Variants in SOX5 observed in about 807,000 individuals in gnomAD.
SOX5 encodes the protein transcription factor SOX-5.
Under a neutral mutation model 92.0 loss-of-function variants are expected in SOX5, and 9 were observed. The observed-to-expected ratio is 0.10, with a 90% CI of 0.06 to 0.17. The LOEUF (loss-of-function observed/expected upper bound fraction) is 0.17, where lower values mean the gene tolerates loss of function less well. Among genes scored for constraint, SOX5 ranks in the 10% least tolerant of loss-of-function variants. SOX5 has a pLI of 1.00. For synonymous variants in SOX5, 344 were observed against 336.3 expected (o/e 1.02, Z -0.25); for missense variants, 642 against 944.5 (o/e 0.68, Z 4.20).
chr12:24,054,366 A>G (rs1229888206), intron 4 of SOX5, among the ~76,000 whole-genome samples: 5 of 152,176 alleles, frequency 3.3e-5, no homozygotes, highest in African/African-American at 9.7e-5. Flanking sequence ...TTATCACTAA[A>G]GATCTAGCTA....
At chr12:23,598,837 G>C (rs186528997) in intron 9 of SOX5, among the ~76,000 whole-genome samples, 1 of 152,110 alleles carries the variant, frequency 6.6e-6, no homozygotes, top group Admixed American at 6.5e-5. Context: ...TCCCCACTTG[G>C]CATTATAAAA....
intron 3 of SOX5, among the ~76,000 whole-genome samples, chr12:23,794,255 A>C (rs768060641): frequency 9.8e-5 from 12 of 123,010 alleles, no homozygotes; most frequent in Non-Finnish European, 2.1e-4. Context: ...TATTTACCTA[A>C]TACTTATTTA....
intron 1 of SOX5, among the ~76,000 whole-genome samples, chr12:24,517,334 G>A (rs1404186302): frequency 1.3e-5 from 2 of 152,186 alleles, no homozygotes; most frequent in Non-Finnish European, 2.9e-5. Flanking sequence ...CCTAATACAG[G>A]AGGGGCAACA....
chr12:23,957,832 C>T (rs1386757635), intron 4 of SOX5, among the ~76,000 whole-genome samples: 4 of 151,908 alleles, frequency 2.6e-5, no homozygotes, highest in Non-Finnish European at 5.9e-5. Flanking sequence ...AATTTATACC[C>T]GTATTTTAAA....
intron 1 of SOX5, among the ~76,000 whole-genome samples, chr12:23,922,004 G>A (rs1441135030): frequency 2.0e-5 from 3 of 152,100 alleles, no homozygotes; most frequent in Non-Finnish European, 4.4e-5. Flanking sequence ...TAAGGGCAAA[G>A]AATACAAAAA....
intron 1 of SOX5, among the ~76,000 whole-genome samples, chr12:24,440,348 G>C (rs1270150614): frequency 6.6e-6 from 1 of 151,998 alleles, no homozygotes; most frequent in Non-Finnish European, 1.5e-5. Flanking sequence ...TCAGTGTGTG[G>C]GGTGGGAGCG....
chr12:23,767,952 C>T (rs1393353373), intron 3 of SOX5, among the ~76,000 whole-genome samples: 4 of 152,048 alleles, frequency 2.6e-5, no homozygotes, highest in African/African-American at 7.2e-5. Context: ...ATAATTTGAA[C>T]TCAACCCCTC....
chr12:23,590,171 A>G (rs1424362531), intron 9 of SOX5, among the ~76,000 whole-genome samples: 1 of 152,002 alleles, frequency 6.6e-6, no homozygotes, highest in Non-Finnish European at 1.5e-5. Context: ...AGGCAAAAAT[A>G]ATTGAAATAG....
At chr12:24,315,191 C>G (rs1267877779) in intron 2 of SOX5, among the ~76,000 whole-genome samples, 1 of 152,160 alleles carries the variant, frequency 6.6e-6, no homozygotes, top group African/African-American at 2.4e-5. Flanking sequence ...TTTAACTCAT[C>G]ATCTGTGCTC....
chr12:23,839,630 C>T (rs982184741), intron 3 of SOX5, among the ~76,000 whole-genome samples: 1 of 152,070 alleles, frequency 6.6e-6, no homozygotes, highest in African/African-American at 2.4e-5. Context: ...ATCAAAATAA[C>T]TATAAATCAT....
intron 9 of SOX5, chr12:23,584,680 G>A: frequency 1.0e-5 from 11 of 1,095,672 alleles, no homozygotes; most frequent in Non-Finnish European, 1.1e-5. Context: ...TGGGAGATGA[G>A]TGAAGGCCAA....
intron 1 of SOX5, among the ~76,000 whole-genome samples, chr12:24,519,801 T>C (rs1950107053): frequency 6.6e-6 from 1 of 152,162 alleles, no homozygotes; most frequent in Non-Finnish European, 1.5e-5. Flanking sequence ...AAGGTCACCT[T>C]GGAAATGTAA....
chr12:24,364,582 G>A (rs1316044170), intron 2 of SOX5, among the ~76,000 whole-genome samples: 1 of 143,624 alleles, frequency 7.0e-6, no homozygotes, highest in African/African-American at 2.6e-5. Flanking sequence ...ACATAAGTGA[G>A]AAATTCACTT....
chr12:24,244,946 A>G (rs578235877), intron 3 of SOX5, among the ~76,000 whole-genome samples: 5 of 152,184 alleles, frequency 3.3e-5, no homozygotes, highest in African/African-American at 1.2e-4. Flanking sequence ...CCGCCTCCCA[A>G]AGTGCTGGGA....
intron 3 of SOX5, among the ~76,000 whole-genome samples, chr12:24,220,246 A>G (rs996832006): frequency 6.6e-6 from 1 of 152,130 alleles, no homozygotes; most frequent in African/African-American, 2.4e-5. Context: ...TATAGCATTT[A>G]TATAGTTAAC....
intron 3 of SOX5, among the ~76,000 whole-genome samples, chr12:23,798,738 A>C (rs1302465752): frequency 1.3e-5 from 2 of 151,938 alleles, no homozygotes; most frequent in Non-Finnish European, 2.9e-5. Context: ...ACAAAACATA[A>C]AACTGTATTT....
chr12:24,457,165 C>A (rs556131451), intron 1 of SOX5, among the ~76,000 whole-genome samples: 1 of 152,074 alleles, frequency 6.6e-6, no homozygotes. Flanking sequence ...AAGCGCAAAT[C>A]GCTGTATTCA....
chr12:24,082,943 G>C (rs140379405), intron 4 of SOX5, among the ~76,000 whole-genome samples: 1 of 151,790 alleles, frequency 6.6e-6, no homozygotes, highest in Non-Finnish European at 1.5e-5. Context: ...TAGATTTAAC[G>C]ATAATAATGG....
chr12:24,182,437 T>G (rs1309725956), intron 4 of SOX5, among the ~76,000 whole-genome samples: 1 of 152,180 alleles, frequency 6.6e-6, no homozygotes, highest in Non-Finnish European at 1.5e-5. Context: ...AGCAAAATGA[T>G]TTGTAGGAGC....
Sources: gnomAD v4.1 joint callset for allele counts (sites outside exome capture counted in the v4.1 genomes callset) on GRCh38, gnomAD v4.1.1 for gene constraint, MANE v1.5 for transcripts, NCBI Gene and HGNC (gene_info 2026-07-23, HGNC 2026-07-21) for gene names.